NOL4: variants seen among roughly 807,000 people sequenced by gnomAD.
The protein encoded by NOL4 is cancer/testis antigen 125.
In NOL4, 17 loss-of-function variants were observed where a neutral mutation model predicts 75.9. The ratio of observed to expected loss-of-function variants is 0.22; its 90% CI spans 0.15 to 0.34. The LOEUF is 0.34. Among genes scored for constraint, NOL4 ranks in the 10% least tolerant of loss-of-function variants. The pLI, the probability that NOL4 is intolerant of heterozygous loss-of-function variation, is 1.00. For missense variants in NOL4, 614 were observed against 793.5 expected, an observed-to-expected ratio of 0.77 and a Z score of 2.72; for synonymous variants, 292 against 289.9, an observed-to-expected ratio of 1.01 and a Z score of -0.07.
At chr18:33,884,903 G>C (rs1344094553) in intron 9 of NOL4, among the ~76,000 whole-genome samples, 1 of 151,904 alleles carries the variant, frequency 6.6e-6, no homozygotes, top group Non-Finnish European at 1.5e-5. Flanking sequence ...CACAGTTATG[G>C]CTTTGCTCTT....
chr18:33,859,704 T>C (rs1022814943), intron 10 of NOL4, among the ~76,000 whole-genome samples: 2 of 152,028 alleles, frequency 1.3e-5, no homozygotes, highest in African/African-American at 4.8e-5. Flanking sequence ...GGATCACTTG[T>C]GGTCAGGTGT....
chr18:33,938,145 G>T (rs935369716), intron 9 of NOL4, among the ~76,000 whole-genome samples: 1 of 151,952 alleles, frequency 6.6e-6, no homozygotes, highest in African/African-American at 2.4e-5. Flanking sequence ...TGGCTTTCTC[G>T]TGCAGCTGGT....
chr18:34,122,150 G>A (rs2080171602), intron 2 of NOL4, among the ~76,000 whole-genome samples: 1 of 152,102 alleles, frequency 6.6e-6, no homozygotes, highest in Admixed American at 6.6e-5. Context: ...CGTAACCAAA[G>A]AACTAAATTC....
chr18:34,099,715 C>T (rs1162486229), intron 4 of NOL4, among the ~76,000 whole-genome samples: 1 of 152,084 alleles, frequency 6.6e-6, no homozygotes, highest in East Asian at 1.9e-4. Flanking sequence ...CTCCCCTGCT[C>T]TCGCCCCACC....
chr18:33,923,288 C>T (rs952550307), intron 9 of NOL4, among the ~76,000 whole-genome samples: 1 of 151,886 alleles, frequency 6.6e-6, no homozygotes, highest in Non-Finnish European at 1.5e-5. Context: ...TACATAGATT[C>T]TCTGTTGATC....
Position 34,164,704 on chromosome 18 carries a change from C to CTT in NOL4, c.265-34685_265-34684insAA, listed in dbSNP as rs1005198137. On this transcript the variant is annotated intron_variant, in intron 1 of 10. Coordinates refer to ENST00000261592, the MANE Select transcript of NOL4 (RefSeq NM_003787.5). Reference sequence around the variant, plus strand: ...GTGGCGATTCCTCAGGGATCTTGAACTAGAAATACCATTTGACCCAGCCAT... The same window carrying CTT: ...GTGGCGATTCCTCAGGGATCTTGAACTTTAGAAATACCATTTGACCCAGCCAT... Among the ~76,000 whole-genome samples, 189 of 152,082 alleles carry CTT rather than the reference C, an allele frequency of 1.2e-3. 1 individual carries two copies. Among genetic ancestry groups the CTT allele is most frequent in the African/African-American group, 4.6e-3 (189 of 41,474 alleles).
chr18:34,080,508 G>T (rs1444373164), intron 5 of NOL4, among the ~76,000 whole-genome samples: 11 of 152,212 alleles, frequency 7.2e-5, no homozygotes, highest in East Asian at 1.9e-4. Flanking sequence ...GAAATGAAGG[G>T]CTCATAGGCT....
chr18:34,091,077 C>T (rs1600549599), intron 5 of NOL4, among the ~76,000 whole-genome samples: 1 of 151,780 alleles, frequency 6.6e-6, no homozygotes, highest in East Asian at 2.0e-4. Flanking sequence ...AGGCCAGCCA[C>T]AGTGACTCAT....
At chr18:33,858,609 A>G (rs1382072855) in intron 10 of NOL4, among the ~76,000 whole-genome samples, 1 of 152,060 alleles carries the variant, frequency 6.6e-6, no homozygotes, top group African/African-American at 2.4e-5. Context: ...ATTTATATTC[A>G]CAAGTCTGAT....
chr18:34,043,267 T>A (rs1277293069), intron 5 of NOL4, among the ~76,000 whole-genome samples: 2 of 152,110 alleles, frequency 1.3e-5, no homozygotes, highest in Admixed American at 1.3e-4. Flanking sequence ...AATGTATGTA[T>A]GCAAATATGT....
rs149530124 is a variant in NOL4 at position 34,081,424 on chromosome 18, A to G, written c.772+12041T>C. Among the ~76,000 whole-genome samples the G allele has an allele frequency of 8.4e-3, 1,282 of 152,190 alleles. 11 individuals are homozygous for G. The highest frequency in any genetic ancestry group is 0.012 in the Non-Finnish European group (799 of 67,960). On this transcript the variant is annotated intron_variant, in intron 5 of 10. Transcript: ENST00000261592. ...TTATTAGATTGAAATGACTATCACT[A>G]TTATATAATGTATGTTATTTTAAGA...
At chr18:34,071,438 G>GACACACACAC (rs61428886) in intron 5 of NOL4, among the ~76,000 whole-genome samples, 3,102 of 147,766 alleles carry the variant, frequency 0.021, 44 homozygotes, top group Admixed American at 0.024. Context: ...CAGACAGACA[G>GACACACACAC]ACACACACAC....
intron 6 of NOL4, among the ~76,000 whole-genome samples, chr18:33,999,481 G>T (rs1265238180): frequency 6.6e-6 from 1 of 151,914 alleles, no homozygotes; most frequent in African/African-American, 2.4e-5. Flanking sequence ...GTATCTTTAT[G>T]AGCTTATTTT....
intron 4 of NOL4, among the ~76,000 whole-genome samples, chr18:34,100,658 C>T (rs775081704): frequency 2.0e-5 from 3 of 152,142 alleles, no homozygotes; most frequent in Non-Finnish European, 4.4e-5. Flanking sequence ...TCCCTATCTG[C>T]CAGATGTTAT....
intron 1 of NOL4, among the ~76,000 whole-genome samples, chr18:34,181,244 T>C (rs1600813501): frequency 6.6e-6 from 1 of 151,590 alleles, no homozygotes; most frequent in African/African-American, 2.4e-5. Context: ...TGGAATGTAA[T>C]TGAGCATCCA....
chr18:34,159,674 C>T (rs1364472725), intron 1 of NOL4, among the ~76,000 whole-genome samples: 1 of 152,134 alleles, frequency 6.6e-6, no homozygotes, highest in Non-Finnish European at 1.5e-5. Context: ...CTGTATGTCC[C>T]GACCCGACCA....
chr18:34,124,905 CAAAA>C (rs11332460), intron 2 of NOL4, among the ~76,000 whole-genome samples: 91 of 147,698 alleles, frequency 6.2e-4, no homozygotes, highest in Middle Eastern at 3.5e-3. Context: ...AAAACTGTCT[CAAAA>C]AAAAAAAAAA....
intron 9 of NOL4, among the ~76,000 whole-genome samples, chr18:33,903,019 T>A (rs2065832547): frequency 6.6e-6 from 1 of 152,188 alleles, no homozygotes; most frequent in African/African-American, 2.4e-5. Flanking sequence ...CAAAATAAAA[T>A]TTTAAAACTA....
intron 1 of NOL4, among the ~76,000 whole-genome samples, chr18:34,131,945 A>C (rs1276879491): frequency 1.3e-5 from 2 of 152,190 alleles, no homozygotes; most frequent in African/African-American, 2.4e-5. Flanking sequence ...TTCTCTAACA[A>C]CTTACTACAA....
Sources: gnomAD v4.1 joint callset for allele counts (sites outside exome capture counted in the v4.1 genomes callset) on GRCh38, gnomAD v4.1.1 for gene constraint, MANE v1.5 for transcripts, NCBI Gene and HGNC (gene_info 2026-07-23, HGNC 2026-07-21) for gene names.